SNUPN: variants seen among roughly 807,000 people sequenced by gnomAD.
SNUPN encodes snurportin-1.
Under a neutral mutation model 39.2 loss-of-function variants are expected in SNUPN, and 31 were observed. That is an observed-to-expected ratio of 0.79 (90% CI 0.59 to 1.07). The LOEUF (loss-of-function observed/expected upper bound fraction) is 1.07. SNUPN is among the 50% of genes least tolerant of loss of function. The probability of loss-of-function intolerance (pLI) is 0.00; values close to 1 mark genes in which losing one functional copy is unlikely to be tolerated. For synonymous variants in SNUPN, 132 were observed against 159.0 expected (o/e 0.83, Z 1.28); for missense variants, 382 against 434.2 (o/e 0.88, Z 1.07).
chr15:75,610,073 C>CACACAGGATATTAA, intron 3 of SNUPN, 79 bp from the exon 4 acceptor site: 6 of 1,073,308 alleles, frequency 5.6e-6, no homozygotes, highest in Non-Finnish European at 8.5e-6. Flanking sequence ...CATTAATATC[C>CACACAGGATATTAA]TGTGTGTATA....
At chr15:75,601,063 T>A in intron 8 of SNUPN, 75 bp downstream of exon 8, 1 of 1,074,120 alleles carries the variant, frequency 9.3e-7, no homozygotes, top group Non-Finnish European at 1.4e-6. Context: ...CAAGGAATAT[T>A]TTAAGACTTT....
intron 8 of SNUPN, among the ~76,000 whole-genome samples, chr15:75,599,687 TTA>T (rs1445806020): frequency 6.6e-6 from 1 of 152,206 alleles, no homozygotes; most frequent in Non-Finnish European, 1.5e-5. Context: ...GGCATAAGGG[TTA>T]TAAATAAAGA....
At position 75,625,667 on chromosome 15, in the gene SNUPN, C is replaced by G. The variant is rs1893208577; in HGVS notation, c.-7G>C. ...CCGGGCTCGAACCCAGGGACTCACCCAAACCGAGGTGACCGTCGCACGCGC... is the reference window on the plus strand; with the variant it reads ...CCGGGCTCGAACCCAGGGACTCACCGAAACCGAGGTGACCGTCGCACGCGC... On this transcript the variant is annotated splice_region_variant and 5_prime_UTR_variant, in exon 1 of 9. Transcript: ENST00000308588. The G allele has an allele frequency of 1.3e-5, 2 of 151,994 alleles. No individual in the cohort carries two copies. Among genetic ancestry groups the G allele is most frequent in the African/African-American group, 4.8e-5 (2 of 41,304 alleles). 9.4% of individuals were successfully genotyped at this position (151,994 alleles called of 1,614,324 possible). A position where few individuals can be genotyped will look rare whatever the true frequency, so the allele number is the denominator to read the frequency against.
intron 1 of SNUPN, among the ~76,000 whole-genome samples, chr15:75,621,262 CT>C (rs67400161): frequency 1.3e-3 from 182 of 137,556 alleles, no homozygotes; most frequent in Middle Eastern, 7.1e-3. Flanking sequence ...CAGATATTTC[CT>C]TTTTTTTTTT....
chr15:75,608,416 A>G (rs1325274299), intron 5 of SNUPN, among the ~76,000 whole-genome samples: 1 of 152,174 alleles, frequency 6.6e-6, no homozygotes, highest in East Asian at 1.9e-4. Flanking sequence ...CTCAGTACAG[A>G]GGACATGAGG....
At chr15:75,610,780 C>A (rs553531490) in intron 3 of SNUPN, among the ~76,000 whole-genome samples, 1 of 152,256 alleles carries the variant, frequency 6.6e-6, no homozygotes, top group Non-Finnish European at 1.5e-5. Context: ...TCTTAAAAAA[C>A]GAAACAACGC....
rs137973668 is a variant in SNUPN, at chr15:75,610,380, C to T, written c.304-386G>A. ...GTGCCATTGCACTCCAGCCTGGGCACCAAGAGCGAAACTCTGTCTCAAAAA... is the reference window on the plus strand; with the variant it reads ...GTGCCATTGCACTCCAGCCTGGGCATCAAGAGCGAAACTCTGTCTCAAAAA... On this transcript the variant is annotated intron_variant, in intron 3 of 8. Coordinates refer to ENST00000308588, the MANE Select transcript of SNUPN (RefSeq NM_005701.4). Among the ~76,000 whole-genome samples, 770 of 149,306 alleles carry T rather than the reference C, an allele frequency of 5.2e-3. 9 individuals carry two copies. The highest frequency in any genetic ancestry group is 0.018 in the African/African-American group (724 of 40,402).
At chr15:75,612,281 C>T (rs1470389158) in intron 3 of SNUPN, among the ~76,000 whole-genome samples, 1 of 152,110 alleles carries the variant, frequency 6.6e-6, no homozygotes, top group Non-Finnish European at 1.5e-5. Flanking sequence ...GATCCACCCA[C>T]CTCGGCCTCC....
chr15:75,621,531 G>A (rs1224087042), intron 1 of SNUPN, among the ~76,000 whole-genome samples: 2 of 152,092 alleles, frequency 1.3e-5, no homozygotes, highest in African/African-American at 4.8e-5. Context: ...CAAAGTGCTG[G>A]CATTATAGGT....
At chr15:75,625,942 T>C (rs1178903350), upstream of SNUPN, 1 of 149,882 alleles carries the variant, frequency 6.7e-6, no homozygotes, top group Admixed American at 6.6e-5. Context: ...GGACTCTTCC[T>C]GCTAGATGAC....
At position 75,617,508 on chromosome 15, in the gene SNUPN, T is replaced by C. The variant is rs763032062; in HGVS notation, c.203A>G (p.Asp68Gly). The change falls in exon 3 of 9, where the codon GAT becomes GGT. Residue 68 changes from aspartate (D) to glycine (G), a missense_variant. Physicochemically the swap from Asp to Gly is moderately conservative, Grantham distance 94. Transcript: ENST00000308588. ...YVNHARRLAE[D>G]DWTGMESEEE... ...CTCACTCTCCATCCCTGTCCAGTCA[T>C]CTTCAGCCAGTCTTCTGGCATGGTT... is the stretch of plus-strand genomic sequence containing the variant. The C allele has an allele frequency of 6.2e-7, 1 of 1,614,110 alleles. No homozygotes were observed. Among genetic ancestry groups the C allele is most frequent in the South Asian group, 1.1e-5 (1 of 91,078 alleles).
At chr15:75,612,310 G>A (rs528453730) in intron 3 of SNUPN, among the ~76,000 whole-genome samples, 1 of 152,198 alleles carries the variant, frequency 6.6e-6, no homozygotes, top group Non-Finnish European at 1.5e-5. Context: ...TGGGATTACA[G>A]GTATGAGCCA....
Position 75,598,593 on chromosome 15 carries a change from G to C in SNUPN, c.848C>G (p.Ser283Ter), listed in dbSNP as rs146226566. Residue 283 changes from serine (S) to a stop codon, truncating the protein, a stop_gained, in exon 9 of 9, where the codon TCA (serine) becomes TGA (stop). Coordinates refer to ENST00000308588, the MANE Select transcript of SNUPN (RefSeq NM_005701.4). LOFTEE classifies it low-confidence loss of function (END_TRUNC). Reference protein sequence around the residue: ...LVGWLRPYMVSDVLGVAVPAG... With the variant: ...LVGWLRPYMV ...CGGCACAGCTACACCAAGGACATCT[G>C]ACACCATGTAGGGGCGCAGCCAGCC... is the stretch of plus-strand genomic sequence containing the variant. 261 of 1,614,090 alleles carry C rather than the reference G, an allele frequency of 1.6e-4. No individual in the cohort carries two copies. Among genetic ancestry groups the C allele is most frequent in the Non-Finnish European group, 2.1e-4 (252 of 1,180,046 alleles).
intron 7 of SNUPN, 41 bp downstream of exon 7, chr15:75,605,109 C>T (rs1344704509): frequency 7.9e-7 from 1 of 1,263,002 alleles, no homozygotes; most frequent in East Asian, 2.3e-5. Context: ...ATCCACACTA[C>T]TCCCCATAAG....
intron 2 of SNUPN, among the ~76,000 whole-genome samples, chr15:75,619,687 G>C (rs1893021344): frequency 6.6e-6 from 1 of 151,982 alleles, no homozygotes; most frequent in Admixed American, 6.6e-5. Context: ...ATATAGGAGA[G>C]GAACTGGATA....
rs180973526 is a variant in SNUPN, at chr15:75,598,815, C to T, written c.760-134G>A. 799 of 607,796 alleles carry T rather than the reference C, an allele frequency of 1.3e-3. 7 individuals are homozygous for T. The African/African-American group carries it at 0.013, about 10-fold the overall frequency. The allele number at this position is 607,796 out of a possible 1,614,324, so 37.7% of individuals were successfully genotyped here. On this transcript the variant is annotated intron_variant, in intron 8 of 8. Coordinates refer to ENST00000308588, the MANE Select transcript of SNUPN (RefSeq NM_005701.4). ...TCACTGACAGAGGAAAGAGTCCCAG[C>T]TTCTCACACATGCCGTTTCTCTAAA...
At chr15:75,601,030 C>T (rs1018837721) in intron 8 of SNUPN, 108 bp downstream of exon 8, 4 of 853,254 alleles carry the variant, frequency 4.7e-6, no homozygotes, top group Admixed American at 1.8e-5. Context: ...TTGTCCCATT[C>T]TGATGCTTTG....
rs1432120032 is a variant in SNUPN, at chr15:75,609,992, C to T, written c.306G>A (p.Leu102=). The change falls in exon 4 of 9, where the codon TTG becomes TTA. Residue 102 remains leucine (L), a splice_region_variant and synonymous_variant. Coordinates refer to ENST00000308588, the MANE Select transcript of SNUPN (RefSeq NM_005701.4). ...CGTCAATTAACCACTCAGAAAGCAT[C>T]AACTGGAAATGCAAAAAATAGTGTT... ...KKLPKHYANQ[L]MLSEWLIDVP... 1.2e-6 allele frequency: 2 copies of T among 1,613,212 alleles called. No homozygotes were observed. The highest frequency in any genetic ancestry group is 8.5e-7 in the Non-Finnish European group (1 of 1,179,212).
At chr15:75,608,749 C>CA (rs1340152208) in intron 5 of SNUPN, among the ~76,000 whole-genome samples, 2 of 152,170 alleles carry the variant, frequency 1.3e-5, no homozygotes, top group Non-Finnish European at 2.9e-5. Context: ...CATCAGGCCT[C>CA]ATGGGGCTGC....
Sources: allele counts gnomAD v4.1 joint callset (sites outside exome capture counted in the v4.1 genomes callset), GRCh38; gene constraint gnomAD v4.1.1; transcripts MANE v1.5; gene names NCBI Gene and HGNC (gene_info 2026-07-23, HGNC 2026-07-21).